Variants in LRMDA observed in about 807,000 individuals in gnomAD.
LRMDA encodes the protein leucine rich melanocyte differentiation associated, also known as leucine-rich melanocyte differentiation-associated protein.
Under a neutral mutation model 29.8 loss-of-function variants are expected in LRMDA, and 18 were observed. That is an observed-to-expected ratio of 0.60 (90% CI 0.42 to 0.90). The LOEUF (loss-of-function observed/expected upper bound fraction) is 0.90. Among genes scored for constraint, LRMDA ranks in the 40% least tolerant of loss-of-function variants. The pLI is 0.00. For synonymous variants in LRMDA, 125 were observed against 109.4 expected (o/e 1.14, Z -0.89); for missense variants, 273 against 273.9 (o/e 1.00, Z 0.02).
chr10:75,707,383 C>A (rs920159399), intron 2 of LRMDA, among the ~76,000 whole-genome samples: 4 of 152,170 alleles, frequency 2.6e-5, no homozygotes, highest in Admixed American at 1.3e-4. Context: ...TCCGCCTGAC[C>A]AGCAAGGAGC....
chr10:75,558,428 T>G (rs1049047897), intron 2 of LRMDA, among the ~76,000 whole-genome samples: 1 of 152,170 alleles, frequency 6.6e-6, no homozygotes, highest in Non-Finnish European at 1.5e-5. Flanking sequence ...TATATAAGGG[T>G]CTACATTCAG....
chr10:75,473,338 G>A (rs1260018246), intron 2 of LRMDA, among the ~76,000 whole-genome samples: 2 of 152,242 alleles, frequency 1.3e-5, no homozygotes, highest in East Asian at 3.8e-4. Context: ...GGTGGGAGCA[G>A]GGGGCGGTGC....
intron 6 of LRMDA, among the ~76,000 whole-genome samples, chr10:76,516,501 C>G (rs2132356613): frequency 6.6e-6 from 1 of 152,216 alleles, no homozygotes; most frequent in South Asian, 2.1e-4. Flanking sequence ...CCACTACCCC[C>G]ACCCCACAAC....
intron 5 of LRMDA, among the ~76,000 whole-genome samples, chr10:76,161,791 AT>A (rs1285221443): frequency 1.3e-5 from 2 of 152,174 alleles, no homozygotes; most frequent in Non-Finnish European, 2.9e-5. Flanking sequence ...ACCTTAGAAA[AT>A]TTAACCAAAA....
At chr10:76,012,257 T>C (rs1013211413) in intron 2 of LRMDA, among the ~76,000 whole-genome samples, 13 of 152,244 alleles carry the variant, frequency 8.5e-5, no homozygotes, top group Admixed American at 7.2e-4. Flanking sequence ...TTTCAGCCAC[T>C]GCACTTTGTC....
At chr10:75,544,641 C>G (rs542874427) in intron 2 of LRMDA, among the ~76,000 whole-genome samples, 5 of 152,198 alleles carry the variant, frequency 3.3e-5, no homozygotes, top group African/African-American at 1.2e-4. Context: ...CTTCCTGCTG[C>G]ATTGCTGTAA....
chr10:76,457,150 C>T (rs183463223), intron 6 of LRMDA, among the ~76,000 whole-genome samples: 36 of 152,290 alleles, frequency 2.4e-4, no homozygotes, highest in African/African-American at 8.2e-4. Context: ...GCAACAGTCT[C>T]CCATTAGGAG....
Position 75,594,337 on chromosome 10 carries a change from C to T in LRMDA, c.131+155843C>T, listed in dbSNP as rs1589196747. ...CCACTTTGGGTCTGAAGCCTGTCAG[C>T]CTCTGTGGGCTGATGGCCAACAGGT... On this transcript the variant is annotated intron_variant, in intron 2 of 6. Transcript: ENST00000611255. Among the ~76,000 whole-genome samples, 3 of 152,304 alleles carry T rather than the reference C, an allele frequency of 2.0e-5. No individual in the cohort carries two copies. In the East Asian group the frequency reaches 5.8e-4, roughly 29 times the overall value.
At chr10:76,492,182 A>C (rs1029042862) in intron 6 of LRMDA, among the ~76,000 whole-genome samples, 6 of 152,060 alleles carry the variant, frequency 3.9e-5, no homozygotes, top group Non-Finnish European at 7.4e-5. Flanking sequence ...CTGTTTCTCC[A>C]GAATTGGTCC....
chr10:76,310,192 A>T (rs1840612367), intron 5 of LRMDA, among the ~76,000 whole-genome samples: 1 of 152,228 alleles, frequency 6.6e-6, no homozygotes, highest in South Asian at 2.1e-4. Flanking sequence ...GCTGAATGCC[A>T]GCTCATTATT....
intron 5 of LRMDA, among the ~76,000 whole-genome samples, chr10:76,133,686 C>T (rs756073631): frequency 4.6e-5 from 7 of 152,208 alleles, no homozygotes; most frequent in African/African-American, 7.2e-5. Flanking sequence ...GATGGAGCTT[C>T]GCCTGCAGGG....
intron 2 of LRMDA, among the ~76,000 whole-genome samples, chr10:75,977,310 T>C (rs1014656091): frequency 6.6e-6 from 1 of 152,196 alleles, no homozygotes; most frequent in Non-Finnish European, 1.5e-5. Context: ...TTTCGTAATG[T>C]TGCAGATGCT....
intron 6 of LRMDA, among the ~76,000 whole-genome samples, chr10:76,420,513 A>G (rs1229331085): frequency 6.6e-6 from 1 of 151,852 alleles, no homozygotes; most frequent in African/African-American, 2.4e-5. Flanking sequence ...TGGCTGTTTT[A>G]ATGTACATTT....
At chr10:75,857,854 G>A (rs560903809) in intron 2 of LRMDA, among the ~76,000 whole-genome samples, 1 of 152,200 alleles carries the variant, frequency 6.6e-6, no homozygotes, top group African/African-American at 2.4e-5. Flanking sequence ...TCATTCATAC[G>A]CTTGCTGTCT....
chr10:75,688,283 A>G (rs1195240724), intron 2 of LRMDA, among the ~76,000 whole-genome samples: 1 of 152,236 alleles, frequency 6.6e-6, no homozygotes, highest in African/African-American at 2.4e-5. Flanking sequence ...CATGAAGAAC[A>G]TTTGTGATTC....
At chr10:75,575,987 C>A (rs1188852161) in intron 2 of LRMDA, among the ~76,000 whole-genome samples, 1 of 151,030 alleles carries the variant, frequency 6.6e-6, no homozygotes, top group Admixed American at 6.6e-5. Flanking sequence ...TTTTTCACTC[C>A]TCAGTGGCGC....
chr10:76,158,260 C>T lies in LRMDA; in HGVS notation c.516+99477C>T, dbSNP rs1043683860. 1.3e-5 allele frequency among the ~76,000 whole-genome samples: 2 copies of T among 152,082 alleles called. 1 individual carries two copies. Among genetic ancestry groups the T allele is most frequent in the Admixed American group, 1.3e-4 (2 of 15,256 alleles). ...CCTGCATTTATTCTCTTTTCCTTTT[C>T]CTACCCCCTTTGCCTCCTTCTTCCT... On this transcript the variant is annotated intron_variant, in intron 5 of 6. Coordinates refer to ENST00000611255, the MANE Select transcript of LRMDA (RefSeq NM_001305581.2).
intron 2 of LRMDA, among the ~76,000 whole-genome samples, chr10:75,542,194 T>C (rs2132049405): frequency 6.6e-6 from 1 of 152,254 alleles, no homozygotes; most frequent in African/African-American, 2.4e-5. Context: ...AAGTCTTTGG[T>C]AACTTTAAAG....
chr10:75,805,032 T>C (rs1012810562), intron 2 of LRMDA, among the ~76,000 whole-genome samples: 5 of 152,264 alleles, frequency 3.3e-5, no homozygotes, highest in East Asian at 1.9e-4. Flanking sequence ...TCCCACCTTC[T>C]GCCTCAACTA....
Sources: allele counts gnomAD v4.1 joint callset (sites outside exome capture counted in the v4.1 genomes callset), GRCh38; gene constraint gnomAD v4.1.1; transcripts MANE v1.5; gene names NCBI Gene and HGNC (gene_info 2026-07-23, HGNC 2026-07-21).